MAN1A2: variants seen among roughly 807,000 people sequenced by gnomAD.
MAN1A2 encodes the protein mannosyl-oligosaccharide 1,2-alpha-mannosidase IB.
Under a neutral mutation model 75.7 loss-of-function variants are expected in MAN1A2, and 26 were observed. The observed-to-expected ratio is 0.34, with a 90% CI of 0.25 to 0.48. MAN1A2 has a LOEUF of 0.48. MAN1A2 is among the 20% of genes least tolerant of loss of function. The pLI, the probability that MAN1A2 is intolerant of heterozygous loss-of-function variation, is 0.99. For missense variants in MAN1A2, 562 were observed against 775.5 expected (o/e 0.72, Z 3.27); for synonymous variants, 247 against 264.6 (o/e 0.93, Z 0.65).
intron 8 of MAN1A2, among the ~76,000 whole-genome samples, chr1:117,477,789 G>T (rs1375259102): frequency 1.3e-5 from 2 of 151,956 alleles, no homozygotes; most frequent in African/African-American, 4.8e-5. Flanking sequence ...GGCCAGGGCA[G>T]TCAGGCAAGA....
In MAN1A2 at chr1:117,466,128, A is replaced by T. The variant is rs115151630; in HGVS notation, c.1075-206A>T. Among the ~76,000 whole-genome samples the T allele has an allele frequency of 7.8e-3, 1,192 of 152,224 alleles. 11 individuals are homozygous for T. Among genetic ancestry groups the T allele is most frequent in the African/African-American group, 0.027 (1,120 of 41,550 alleles). ...ATTATTTTTATTATTGCTTGATTTT[A>T]AAATAATGAACACATATCATCTTAT... is the stretch of plus-strand genomic sequence containing the variant. On this transcript the variant is annotated intron_variant, in intron 7 of 12. Coordinates refer to ENST00000356554, the MANE Select transcript of MAN1A2 (RefSeq NM_006699.5).
Position 117,405,575 on chromosome 1 carries a change from T to C in MAN1A2, c.585T>C (p.Tyr195=). 6.2e-7 allele frequency: 1 copy of C among 1,603,994 alleles called. No homozygotes were observed. Among genetic ancestry groups the C allele is most frequent in the East Asian group, 2.2e-5 (1 of 44,726 alleles). ...KEMMKHAWDN[Y]RTYGWGHNEL... ...TGATGAAACATGCTTGGGATAACTA[T>C]AGGACATATGGGTGGGGACATAATG... Residue 195 remains tyrosine (Y), a synonymous_variant, in exon 3 of 13, where the codon TAT becomes TAC. Transcript: ENST00000356554.
At chr1:117,425,640 A>G (rs1366213612) in intron 5 of MAN1A2, among the ~76,000 whole-genome samples, 2 of 152,218 alleles carry the variant, frequency 1.3e-5, no homozygotes, top group Admixed American at 1.3e-4. Context: ...ATCTGACAAC[A>G]TGTAACGTCT....
At chr1:117,394,132 A>T (rs1570707098) in intron 1 of MAN1A2, among the ~76,000 whole-genome samples, 1 of 149,118 alleles carries the variant, frequency 6.7e-6, no homozygotes, top group Non-Finnish European at 1.5e-5. Flanking sequence ...CCCAGGCTGG[A>T]GTGCAGTGGC....
chr1:117,464,459 A>C (rs1384851850), intron 7 of MAN1A2, among the ~76,000 whole-genome samples: 2 of 152,144 alleles, frequency 1.3e-5, no homozygotes, highest in Non-Finnish European at 2.9e-5. Context: ...GCATATAAGC[A>C]GTAAAGATCA....
intron 8 of MAN1A2, among the ~76,000 whole-genome samples, chr1:117,480,925 G>A (rs1045348627): frequency 6.6e-6 from 1 of 151,800 alleles, no homozygotes; most frequent in African/African-American, 2.4e-5. Context: ...TCCTCTAGGA[G>A]TTTCTAATGG....
chr1:117,369,055 A>G (rs1429687847), intron 1 of MAN1A2, among the ~76,000 whole-genome samples: 1 of 151,816 alleles, frequency 6.6e-6, no homozygotes. Context: ...TTTTTTGGGG[A>G]TGTGTGTTGG....
rs558259953 is a variant in MAN1A2, at chr1:117,462,567, G to C, written c.1074+1955G>C. Among the ~76,000 whole-genome samples, 73 of 152,274 alleles carry C rather than the reference G, an allele frequency of 4.8e-4. 1 individual carries two copies. In the South Asian group the frequency reaches 7.0e-3, roughly 15 times the overall value. On this transcript the variant is annotated intron_variant, in intron 7 of 12. Coordinates refer to ENST00000356554, the MANE Select transcript of MAN1A2 (RefSeq NM_006699.5). The stretch of plus-strand genomic sequence containing the variant: ...GTCCTCAGTACATCCAGAGAACAAA[G>C]AGAAGGTTGGAAGTTTTATTAGAAA...
chr1:117,518,372 G>A lies in MAN1A2; in HGVS notation c.1794-4453G>A, dbSNP rs189872017. Among the ~76,000 whole-genome samples, 109 of 151,996 alleles carry A rather than the reference G, an allele frequency of 7.2e-4. 1 individual carries two copies. The highest frequency in any genetic ancestry group is 2.6e-3 in the African/African-American group (108 of 41,506). ...GTACATATTTACTAATAAAAACATG[G>A]TAACAGAAAGGGATGTAGTATATTT... On this transcript the variant is annotated intron_variant, in intron 12 of 12. Transcript: ENST00000356554.
chr1:117,444,786 G>A (rs771068821), intron 6 of MAN1A2, among the ~76,000 whole-genome samples: 1 of 151,770 alleles, frequency 6.6e-6, no homozygotes, highest in Admixed American at 6.6e-5. Flanking sequence ...TCTTCTGTTG[G>A]TCTGTTGTCT....
intron 3 of MAN1A2, among the ~76,000 whole-genome samples, chr1:117,410,307 T>G (rs571696007): frequency 2.0e-5 from 3 of 151,858 alleles, no homozygotes; most frequent in Non-Finnish European, 2.9e-5. Context: ...GTTTAAGATA[T>G]CAGTATAATA....
intron 5 of MAN1A2, among the ~76,000 whole-genome samples, chr1:117,432,003 T>C (rs537124542): frequency 3.9e-5 from 6 of 152,168 alleles, no homozygotes; most frequent in Admixed American, 2.0e-4. Flanking sequence ...AAATTAGAAA[T>C]CAATAATAGA....
At chr1:117,472,997 A>G (rs1051981136) in intron 8 of MAN1A2, among the ~76,000 whole-genome samples, 2 of 151,946 alleles carry the variant, frequency 1.3e-5, no homozygotes, top group African/African-American at 4.8e-5. Flanking sequence ...AATACCATTT[A>G]CATGCTGGCA....
intron 3 of MAN1A2, among the ~76,000 whole-genome samples, chr1:117,411,855 G>A (rs1647829657): frequency 6.6e-6 from 1 of 151,904 alleles, no homozygotes; most frequent in South Asian, 2.1e-4. Context: ...GAGCAACTCT[G>A]TTATACATTG....
At position 117,368,469 on chromosome 1, in the gene MAN1A2, G is replaced by A; in HGVS notation, c.286G>A (p.Asp96Asn). The A allele has an allele frequency of 6.2e-7, 1 of 1,610,146 alleles. No homozygotes were observed. The highest frequency in any genetic ancestry group is 8.5e-7 in the Non-Finnish European group (1 of 1,178,576). ...CGGAGTCTTCCTGATCCATGGACCC[G>A]ATGAACATAGACACAGGTTTGTTTA... Reference protein sequence around the residue: ...NPGVFLIHGPDEHRHREEEER... With the variant: ...NPGVFLIHGPNEHRHREEEER... The change falls in exon 1 of 13, where the codon GAT becomes AAT. Residue 96 changes from aspartate to asparagine, a missense_variant. Transcript: ENST00000356554.
intron 1 of MAN1A2, among the ~76,000 whole-genome samples, chr1:117,387,961 C>G (rs1653591493): frequency 1.3e-5 from 2 of 149,628 alleles, no homozygotes; most frequent in African/African-American, 5.0e-5. Context: ...CAAGGCCCCC[C>G]ACCCCCCGCC....
intron 12 of MAN1A2, among the ~76,000 whole-genome samples, chr1:117,506,804 T>C (rs1213564383): frequency 4.0e-5 from 6 of 151,352 alleles, no homozygotes. Context: ...AGCTATAAAG[T>C]AGACCATGGG....
intron 5 of MAN1A2, among the ~76,000 whole-genome samples, chr1:117,435,394 C>A (rs911150729): frequency 6.6e-6 from 1 of 152,196 alleles, no homozygotes; most frequent in Admixed American, 6.5e-5. Context: ...AGGAAGAACT[C>A]GTGAATAATA....
At chr1:117,417,690 G>GCACACA (rs34249748) in intron 4 of MAN1A2, among the ~76,000 whole-genome samples, 25,000 of 142,184 alleles carry the variant, frequency 0.18, 2,887 homozygotes, top group East Asian at 0.43. Context: ...AAGTAGGCGT[G>GCACACA]CACACACACA....
Sources: gnomAD v4.1 joint callset for allele counts (sites outside exome capture counted in the v4.1 genomes callset) on GRCh38, gnomAD v4.1.1 for gene constraint, MANE v1.5 for transcripts, NCBI Gene and HGNC (gene_info 2026-07-23, HGNC 2026-07-21) for gene names.